The following POU6F2 variants were observed in gnomAD, a reference collection of about 807,000 sequenced individuals.
The protein encoded by POU6F2 is POU domain, class 6, transcription factor 2.
POU6F2 carries 31 observed loss-of-function variants against 71.3 expected under a neutral mutation model. The observed-to-expected ratio is 0.43, with a 90% confidence interval of 0.33 to 0.59. The LOEUF (loss-of-function observed/expected upper bound fraction) is 0.59. POU6F2 is among the 20% of genes least tolerant of loss of function. The pLI, the probability that POU6F2 is intolerant of heterozygous loss-of-function variation, is 0.04. For synonymous variants in POU6F2, 347 were observed against 355.7 expected (o/e 0.98, Z 0.27); for missense variants, 783 against 856.8 (o/e 0.91, Z 1.07).
At chr7:39,191,949 C>A (rs984011477) in intron 2 of POU6F2, among the ~76,000 whole-genome samples, 80 of 152,292 alleles carry the variant, frequency 5.3e-4, no homozygotes, top group African/African-American at 1.9e-3. Context: ...CCAACAATCT[C>A]TTGATGAGAC....
chr7:39,375,090 T>C (rs959061999), intron 5 of POU6F2, among the ~76,000 whole-genome samples: 1 of 152,166 alleles, frequency 6.6e-6, no homozygotes, highest in African/African-American at 2.4e-5. Flanking sequence ...TCTATTTCTC[T>C]AACATTTGGG....
At position 39,015,898 on chromosome 7, in the gene POU6F2, TA is replaced by T. The variant is rs1233780805; in HGVS notation, c.105+37841del. Among the ~76,000 whole-genome samples, 46 of 88,358 alleles carry T rather than the reference TA, an allele frequency of 5.2e-4. 5 individuals are homozygous for T. Among genetic ancestry groups the T allele is most frequent in the African/African-American group, 2.1e-3 (45 of 21,186 alleles). The allele number at this position is 88,358 out of a possible 152,430, so 58.0% of individuals were successfully genotyped here. A position where few individuals can be genotyped will look rare whatever the true frequency, so the allele number is the denominator to read the frequency against. Reference sequence around the variant, plus strand: ...ATAGATATATATTATATATTATATATAGATATATATTATATATTATATATAG... The same window carrying T: ...ATAGATATATATTATATATTATATATGATATATATTATATATTATATATAG... On this transcript the variant is annotated intron_variant, in intron 1 of 9. Transcript: ENST00000518318.
At chr7:39,312,602 T>C (rs1014849727) in intron 4 of POU6F2, among the ~76,000 whole-genome samples, 2 of 152,198 alleles carry the variant, frequency 1.3e-5, no homozygotes, top group African/African-American at 4.8e-5. Context: ...ATGTTTTCCC[T>C]TATTAAGTTG....
chr7:39,172,621 C>A (rs1793242318), intron 2 of POU6F2, among the ~76,000 whole-genome samples: 1 of 145,596 alleles, frequency 6.9e-6, no homozygotes. Context: ...TTCAGGTCCC[C>A]CTCCTTTTTT....
At chr7:38,994,038 C>A (rs1445713147) in intron 1 of POU6F2, among the ~76,000 whole-genome samples, 2 of 152,170 alleles carry the variant, frequency 1.3e-5, no homozygotes, top group African/African-American at 4.8e-5. Context: ...GCGAACCCGT[C>A]AATTTTGTTA....
chr7:39,464,141 G>T lies in POU6F2; in HGVS notation c.1659-41G>T. The T allele has an allele frequency of 1.3e-6, 2 of 1,579,306 alleles. No homozygotes were observed. The highest frequency in any genetic ancestry group is 1.7e-6 in the Non-Finnish European group (2 of 1,159,372). On this transcript the variant is annotated intron_variant, in intron 9 of 9. Coordinates refer to ENST00000518318, the MANE Select transcript of POU6F2 (RefSeq NM_001370959.1). This position sits in a 1 kb window ranked among gnomAD's most constrained non-coding sequence, Gnocchi z 4.1. ...AGGCAGGAGGCCCACCCTGGCAGAG[G>T]ACTCAGTGTAAGACTGTTCTTTCTC...
chr7:39,372,920 A>G (rs1786642369), intron 5 of POU6F2, among the ~76,000 whole-genome samples: 1 of 151,948 alleles, frequency 6.6e-6, no homozygotes, highest in African/African-American at 2.4e-5. Context: ...TAATAATAAT[A>G]ATGCCCCCTA....
intron 2 of POU6F2, among the ~76,000 whole-genome samples, chr7:39,152,684 C>G (rs1423014953): frequency 2.6e-5 from 4 of 152,124 alleles, no homozygotes; most frequent in African/African-American, 4.8e-5. Context: ...CGTGAAGCCT[C>G]TCACCACCAG....
chr7:39,111,036 T>A (rs905617739), intron 2 of POU6F2, among the ~76,000 whole-genome samples: 1 of 152,204 alleles, frequency 6.6e-6, no homozygotes, highest in African/African-American at 2.4e-5. Context: ...TTTTGTAAAT[T>A]GTGTTATACA....
chr7:38,981,051 G>C (rs1396279852), intron 1 of POU6F2, among the ~76,000 whole-genome samples: 1 of 152,054 alleles, frequency 6.6e-6, no homozygotes, highest in Non-Finnish European at 1.5e-5. Context: ...GAAGAAACTT[G>C]GTTCATTCAC....
At chr7:39,304,740 C>G (rs945555904) in intron 4 of POU6F2, among the ~76,000 whole-genome samples, 1 of 152,110 alleles carries the variant, frequency 6.6e-6, no homozygotes, top group African/African-American at 2.4e-5. Flanking sequence ...AAGGAAGTCC[C>G]TAAATTTTTT....
At chr7:39,280,523 C>T (rs7810302) in intron 4 of POU6F2, among the ~76,000 whole-genome samples, 136,152 of 152,278 alleles carry the variant, frequency 0.89, 60,961 homozygotes, top group Middle Eastern at 0.95. Flanking sequence ...CCATTGCTTT[C>T]GAAAATTGCT....
At chr7:39,189,591 C>T (rs1253655070) in intron 2 of POU6F2, among the ~76,000 whole-genome samples, 4 of 151,856 alleles carry the variant, frequency 2.6e-5, no homozygotes, top group Non-Finnish European at 5.9e-5. Context: ...TTAGTAGAGA[C>T]AGGATTTCAC....
At chr7:39,075,960 G>C (rs1790994342) in intron 1 of POU6F2, among the ~76,000 whole-genome samples, 1 of 152,184 alleles carries the variant, frequency 6.6e-6, no homozygotes, top group Non-Finnish European at 1.5e-5. Context: ...TGTGTTACAA[G>C]TAATGCAGTC....
intron 4 of POU6F2, among the ~76,000 whole-genome samples, chr7:39,293,393 G>C (rs1008323628): frequency 6.6e-6 from 1 of 152,220 alleles, no homozygotes; most frequent in Non-Finnish European, 1.5e-5. Flanking sequence ...CAGAATTTAT[G>C]AAGCGCTGCG....
At chr7:39,253,896 C>A (rs1166185804) in intron 4 of POU6F2, among the ~76,000 whole-genome samples, 1 of 152,166 alleles carries the variant, frequency 6.6e-6, no homozygotes, top group Non-Finnish European at 1.5e-5. Flanking sequence ...CATCCTGCCT[C>A]TTGGTATCTG....
chr7:39,077,254 C>A lies in POU6F2; in HGVS notation c.106-8606C>A, dbSNP rs547956979. Reference sequence around the variant, plus strand: ...ATTAGGTTGTCAATACCAGTGTCTCCCTTTCTTCCCAGATAAGTATACATG... The same window carrying A: ...ATTAGGTTGTCAATACCAGTGTCTCACTTTCTTCCCAGATAAGTATACATG... On this transcript the variant is annotated intron_variant, in intron 1 of 9. Coordinates refer to ENST00000518318, the MANE Select transcript of POU6F2 (RefSeq NM_001370959.1). Among the ~76,000 whole-genome samples the A allele has an allele frequency of 3.3e-5, 5 of 152,248 alleles. No individual in the cohort carries two copies. In the South Asian group the frequency reaches 1.0e-3, roughly 32 times the overall value.
At chr7:39,130,974 A>T (rs1222344914) in intron 2 of POU6F2, among the ~76,000 whole-genome samples, 5 of 152,202 alleles carry the variant, frequency 3.3e-5, no homozygotes, top group Non-Finnish European at 7.4e-5. Flanking sequence ...GCGCTGAACC[A>T]CTTTCACAGT....
At chr7:39,383,077 G>A (rs1448084019) in intron 5 of POU6F2, among the ~76,000 whole-genome samples, 1 of 152,164 alleles carries the variant, frequency 6.6e-6, no homozygotes, top group East Asian at 1.9e-4. Flanking sequence ...GCATTGCCAA[G>A]GAGAACTGCA....
Sources: allele counts gnomAD v4.1 joint callset (sites outside exome capture counted in the v4.1 genomes callset), GRCh38; gene constraint gnomAD v4.1.1; non-coding constraint Gnocchi (gnomAD v3.1); transcripts MANE v1.5; gene names NCBI Gene and HGNC (gene_info 2026-07-23, HGNC 2026-07-21).